CDK12: variants seen among roughly 807,000 people sequenced by gnomAD.
CDK12 encodes cyclin dependent kinase 12, also known as cyclin-dependent kinase 12.
CDK12 carries 17 observed loss-of-function variants against 133.8 expected under a neutral mutation model. That is an observed-to-expected ratio of 0.13 (90% CI 0.09 to 0.19). The LOEUF is 0.19. CDK12 is among the 10% of genes least tolerant of loss of function. CDK12 has a pLI of 1.00. For missense variants in CDK12, 1,508 were observed against 1,818.7 expected, an observed-to-expected ratio of 0.83 and a Z score of 3.11; for synonymous variants, 694 against 683.6, an observed-to-expected ratio of 1.02 and a Z score of -0.24.
At chr17:39,538,533 C>A (rs778851938), downstream of CDK12, among the ~76,000 whole-genome samples, 3 of 152,206 alleles carry the variant, frequency 2.0e-5, no homozygotes, top group Non-Finnish European at 2.9e-5. Context: ...ATGTGTCAGG[C>A]GCTGCCTAAG....
chr17:39,554,893 C>CAA (rs11367982), intron 2 of CDK12, among the ~76,000 whole-genome samples: 114 of 87,324 alleles, frequency 1.3e-3, no homozygotes, highest in Non-Finnish European at 2.1e-3. Flanking sequence ...GACTCCGTCT[C>CAA]AAAAAAAAAA....
At position 39,494,626 on chromosome 17, in the gene CDK12, G is replaced by C; in HGVS notation, c.2351G>C (p.Arg784Pro). The change falls in exon 5 of 14, where the codon CGA becomes CCA. Residue 784 changes from arginine (R) to proline (P), a missense_variant. Coordinates refer to ENST00000447079, the MANE Select transcript of CDK12 (RefSeq NM_016507.4). ...AAAATCCTTCGTCAGTTAATCCACC[G>C]AAGTGTTGTTAACATGAAGGAAATT... is the stretch of plus-strand genomic sequence containing the variant. ...EIKILRQLIH[R>P]SVVNMKEIVT... The C allele has an allele frequency of 6.2e-7, 1 of 1,609,482 alleles. No homozygotes were observed. The highest frequency in any genetic ancestry group is 8.5e-7 in the Non-Finnish European group (1 of 1,177,366).
chr17:39,470,456 T>C (rs376954282), intron 1 of CDK12, among the ~76,000 whole-genome samples: 12 of 152,308 alleles, frequency 7.9e-5, no homozygotes, highest in East Asian at 5.8e-4. Context: ...TTTATTTCTT[T>C]AGAGTAGTTT....
At chr17:39,539,959 A>C (rs2055332453) in intron 1 of CDK12, among the ~76,000 whole-genome samples, 1 of 152,318 alleles carries the variant, frequency 6.6e-6, no homozygotes, top group Middle Eastern at 3.4e-3. Flanking sequence ...GAGCAATCTC[A>C]TTGGCTTGAA....
chr17:39,466,611 A>G, intron 1 of CDK12, among the ~76,000 whole-genome samples: 1 of 121,702 alleles, frequency 8.2e-6, no homozygotes, highest in Non-Finnish European at 1.7e-5. Flanking sequence ...GTGAAACTCT[A>G]TCTGAAAAAA....
At chr17:39,480,938 A>G (rs1011253507) in intron 2 of CDK12, among the ~76,000 whole-genome samples, 8 of 152,116 alleles carry the variant, frequency 5.3e-5, no homozygotes, top group African/African-American at 1.9e-4. Context: ...TAAGTAGATC[A>G]TCTGTATACT....
upstream of CDK12, chr17:39,544,143 C>T: frequency 2.1e-6 from 1 of 467,960 alleles, no homozygotes; most frequent in South Asian, 1.6e-5. Flanking sequence ...ACATCACCGT[C>T]ACTGTTACCT....
chr17:39,464,164 G>A (rs1435453013), intron 1 of CDK12, among the ~76,000 whole-genome samples: 2 of 152,042 alleles, frequency 1.3e-5, no homozygotes, highest in Non-Finnish European at 2.9e-5. Context: ...TAAATTATGA[G>A]TGAGGATGTT....
chr17:39,517,332 C>G (rs1598141200), intron 9 of CDK12, 108 bp from the exon 10 acceptor site: 2 of 690,414 alleles, frequency 2.9e-6, no homozygotes, highest in East Asian at 5.0e-5. Flanking sequence ...ATGTAATAAC[C>G]AAAGATTCCC....
chr17:39,563,463 GCC>G (rs59758254), intron 3 of CDK12, among the ~76,000 whole-genome samples: 1 of 31,750 alleles, frequency 3.1e-5, no homozygotes, highest in East Asian at 1.3e-3. Flanking sequence ...CTTGCTTCCC[GCC>G]CCCCCCCCGC....
chr17:39,463,440 T>C (rs990511011), intron 1 of CDK12, among the ~76,000 whole-genome samples: 4 of 152,178 alleles, frequency 2.6e-5, no homozygotes, highest in Non-Finnish European at 4.4e-5. Context: ...GTCTAGCTAT[T>C]TCTGTTGCTT....
At chr17:39,465,712 A>G (rs539903909) in intron 1 of CDK12, among the ~76,000 whole-genome samples, 23 of 152,124 alleles carry the variant, frequency 1.5e-4, no homozygotes, top group African/African-American at 5.3e-4. Context: ...GTTGGTCTCC[A>G]ACTCCTGACC....
Position 39,462,190 on chromosome 17 carries a change from C to T in CDK12, c.119C>T (p.Ser40Leu), listed in dbSNP as rs780248349. ...SNSRERHRLV[S>L]KHKRHKSKHS... The stretch of plus-strand genomic sequence containing the variant: ...AGCAGAGAGCGTCACCGCTTGGTAT[C>T]GAAGCACAAGCGGCATAAGTCCAAA... Residue 40 changes from serine to leucine, a missense_variant, in exon 1 of 14, where the codon TCG (serine) becomes TTG (leucine). Coordinates refer to ENST00000447079, the MANE Select transcript of CDK12 (RefSeq NM_016507.4). The T allele has an allele frequency of 1.2e-6, 2 of 1,614,174 alleles. No individual in the cohort carries two copies. The highest frequency in any genetic ancestry group is 1.7e-6 in the Non-Finnish European group (2 of 1,180,020).
chr17:39,471,100 C>A lies in CDK12; in HGVS notation c.1268C>A (p.Ser423Ter). The A allele has an allele frequency of 6.2e-7, 1 of 1,610,160 alleles. No homozygotes were observed. The highest frequency in any genetic ancestry group is 1.7e-5 in the Admixed American group (1 of 58,568). ...ATGGATGGAAAGGAGTCCAAGGGTT[C>A]ACCTGTATTTTTGCCTAGAAAAGAG... ...AKMDGKESKGSPVFLPRKENS... is the reference protein window; with the variant it reads ...AKMDGKESKG The change falls in exon 2 of 14, where the codon TCA becomes TAA. Residue 423 changes from serine to a stop codon, truncating the protein, a stop_gained. Transcript: ENST00000447079. LOFTEE classifies it high-confidence loss of function.
At chr17:39,525,152 G>GA (rs772899064) in intron 12 of CDK12, among the ~76,000 whole-genome samples, 7 of 152,148 alleles carry the variant, frequency 4.6e-5, no homozygotes, top group Non-Finnish European at 1.0e-4. Flanking sequence ...ATAAATCAGT[G>GA]AATTAGGTAA....
chr17:39,509,387 A>G (rs1176460389), intron 6 of CDK12, among the ~76,000 whole-genome samples: 3 of 152,216 alleles, frequency 2.0e-5, no homozygotes, highest in Admixed American at 6.5e-5. Context: ...GTTGTTTACC[A>G]TGAAATAAAT....
At chr17:39,502,545 GC>G (rs920126383) in intron 6 of CDK12, among the ~76,000 whole-genome samples, 4 of 152,160 alleles carry the variant, frequency 2.6e-5, no homozygotes, top group African/African-American at 4.8e-5. Context: ...AACCAATCTT[GC>G]ATGGTTACCT....
rs751976806 is a variant in CDK12, at chr17:39,530,689, T to C, written c.3846T>C (p.Val1282=). 2 of 1,613,152 alleles carry C rather than the reference T, an allele frequency of 1.2e-6. No individual in the cohort carries two copies. The highest frequency in any genetic ancestry group is 1.7e-6 in the Non-Finnish European group (2 of 1,179,602). The change falls in exon 14 of 14, where the codon GTT becomes GTC. Residue 1282 remains valine (V), a synonymous_variant. Transcript: ENST00000447079. The part of the protein sequence containing the change: ...PPPPPPPPPL[V]EGDLSSAPQE... ...CGCCGCCACCTCCACCCCCTCTGGT[T>C]GAAGGCGATCTTTCCAGCGCCCCCC...
At chr17:39,502,730 A>T (rs951674326) in intron 6 of CDK12, among the ~76,000 whole-genome samples, 1 of 152,196 alleles carries the variant, frequency 6.6e-6, no homozygotes, top group African/African-American at 2.4e-5. Context: ...TTGAGGGATG[A>T]ATAAGAATTT....
Sources: allele counts gnomAD v4.1 joint callset (sites outside exome capture counted in the v4.1 genomes callset), GRCh38; gene constraint gnomAD v4.1.1; transcripts MANE v1.5; gene names NCBI Gene and HGNC (gene_info 2026-07-23, HGNC 2026-07-21).